Variants in UBE2E2 observed in about 807,000 individuals in gnomAD.
UBE2E2 encodes ubiquitin-conjugating enzyme E2 E2.
In UBE2E2, 6 loss-of-function variants were observed where a neutral mutation model predicts 24.7. That is an observed-to-expected ratio of 0.24 (90% CI 0.13 to 0.48). The LOEUF (loss-of-function observed/expected upper bound fraction) is 0.48. Ranked by LOEUF, UBE2E2 falls within the 20% of genes least tolerant of loss-of-function variation. The pLI is 0.99. For synonymous variants in UBE2E2, 104 were observed against 83.6 expected (o/e 1.24, Z -1.33); for missense variants, 169 against 245.0 (o/e 0.69, Z 2.07).
chr3:23,318,041 C>A (rs1238179980), intron 3 of UBE2E2, among the ~76,000 whole-genome samples: 1 of 151,970 alleles, frequency 6.6e-6, no homozygotes, highest in Non-Finnish European at 1.5e-5. Flanking sequence ...TCCCTCTTAT[C>A]TAGGTTTTAA....
Position 23,410,982 on chromosome 3 carries a change from T to G in UBE2E2, c.228-88626T>G, listed in dbSNP as rs534553325. Among the ~76,000 whole-genome samples, 12 of 152,116 alleles carry G rather than the reference T, an allele frequency of 7.9e-5. No individual in the cohort carries two copies. The East Asian group carries it at 2.3e-3, about 29-fold the overall frequency. On this transcript the variant is annotated intron_variant, in intron 3 of 5. Coordinates refer to ENST00000396703, the MANE Select transcript of UBE2E2 (RefSeq NM_152653.4). ...CATCCCCTCCTCTCCCTCCTCAAAC[T>G]AGGGTATAGTTTGTAAATTTTTTAA...
intron 3 of UBE2E2, among the ~76,000 whole-genome samples, chr3:23,390,438 C>A (rs1282961208): frequency 6.6e-6 from 1 of 152,180 alleles, no homozygotes. Context: ...CCTGCACCAT[C>A]CCCTTTCCAG....
intron 3 of UBE2E2, among the ~76,000 whole-genome samples, chr3:23,413,331 A>G (rs1250116304): frequency 6.6e-6 from 1 of 152,188 alleles, no homozygotes; most frequent in African/African-American, 2.4e-5. Flanking sequence ...TTTCTGCAGC[A>G]GTAGAGCTAA....
At chr3:23,318,671 A>G (rs1443074436) in intron 3 of UBE2E2, among the ~76,000 whole-genome samples, 1 of 152,166 alleles carries the variant, frequency 6.6e-6, no homozygotes, top group East Asian at 1.9e-4. Context: ...ATCTGGTGAG[A>G]CTTTTACTTA....
chr3:23,418,676 T>A (rs1697713447), intron 3 of UBE2E2, among the ~76,000 whole-genome samples: 1 of 152,194 alleles, frequency 6.6e-6, no homozygotes, highest in Admixed American at 6.5e-5. Context: ...CCATCAATAA[T>A]AGACTATTTT....
chr3:23,421,953 G>T (rs768439509), intron 3 of UBE2E2, among the ~76,000 whole-genome samples: 1 of 152,222 alleles, frequency 6.6e-6, no homozygotes, highest in Non-Finnish European at 1.5e-5. Flanking sequence ...GTTATTGAAT[G>T]AGGGAAATGT....
At chr3:23,307,452 A>G (rs1361102719) in intron 3 of UBE2E2, among the ~76,000 whole-genome samples, 1 of 152,084 alleles carries the variant, frequency 6.6e-6, no homozygotes, top group Non-Finnish European at 1.5e-5. Flanking sequence ...TACCTCCATA[A>G]TGATGTATTT....
intron 3 of UBE2E2, among the ~76,000 whole-genome samples, chr3:23,472,786 A>AG (rs1257719238): frequency 6.6e-6 from 1 of 151,684 alleles, no homozygotes; most frequent in Non-Finnish European, 1.5e-5. Flanking sequence ...CTGGGACCAC[A>AG]GGCGCACATG....
intron 3 of UBE2E2, among the ~76,000 whole-genome samples, chr3:23,390,898 T>TA (rs772942047): frequency 3.3e-5 from 5 of 152,248 alleles, no homozygotes; most frequent in Non-Finnish European, 5.9e-5. Context: ...TGCTTACCTA[T>TA]ATGTAGACCA....
intron 3 of UBE2E2, among the ~76,000 whole-genome samples, chr3:23,310,706 A>G (rs997254714): frequency 6.6e-6 from 1 of 152,146 alleles, no homozygotes; most frequent in African/African-American, 2.4e-5. Context: ...CAATATAACA[A>G]GGCACCCCTG....
chr3:23,458,419 T>TGGTGGTGGTGGTGGG (rs1698729613), intron 3 of UBE2E2, among the ~76,000 whole-genome samples: 1 of 149,096 alleles, frequency 6.7e-6, no homozygotes, highest in African/African-American at 2.5e-5. Flanking sequence ...GTGGTGGTGG[T>TGGTGGTGGTGGTGGG]GGTGGTGGTT....
At chr3:23,417,957 T>G (rs958103436) in intron 3 of UBE2E2, among the ~76,000 whole-genome samples, 3 of 152,074 alleles carry the variant, frequency 2.0e-5, no homozygotes, top group Non-Finnish European at 4.4e-5. Flanking sequence ...GTGCTGGCAG[T>G]GAGAATTTCA....
At chr3:23,343,439 C>CA (rs1695458653) in intron 3 of UBE2E2, among the ~76,000 whole-genome samples, 1 of 151,676 alleles carries the variant, frequency 6.6e-6, no homozygotes. Context: ...AGCTGGGTGT[C>CA]GTGGCACTCA....
chr3:23,502,146 C>G (rs1699736581), intron 4 of UBE2E2, among the ~76,000 whole-genome samples: 1 of 151,864 alleles, frequency 6.6e-6, no homozygotes, highest in Non-Finnish European at 1.5e-5. Context: ...TCCATGCCTT[C>G]CTAGTGTCCT....
intron 3 of UBE2E2, among the ~76,000 whole-genome samples, chr3:23,318,661 A>C (rs752535526): frequency 2.6e-4 from 39 of 152,182 alleles, no homozygotes; most frequent in Non-Finnish European, 5.0e-4. Context: ...AAAACATCAG[A>C]TCTGGTGAGA....
chr3:23,374,694 C>G (rs1005361310), intron 3 of UBE2E2, among the ~76,000 whole-genome samples: 1 of 152,210 alleles, frequency 6.6e-6, no homozygotes, highest in Non-Finnish European at 1.5e-5. Flanking sequence ...GCTAACTACA[C>G]CACAGTATAC....
chr3:23,355,018 G>A (rs1315059046), intron 3 of UBE2E2, among the ~76,000 whole-genome samples: 1 of 151,770 alleles, frequency 6.6e-6, no homozygotes, highest in East Asian at 1.9e-4. Context: ...AGAAAATGTG[G>A]CACATATACA....
At position 23,280,014 on chromosome 3, in the gene UBE2E2, C is replaced by G. The variant is rs1014207784; in HGVS notation, c.227+62702C>G. 6.6e-6 allele frequency among the ~76,000 whole-genome samples: 1 copy of G among 152,196 alleles called. No individual in the cohort carries two copies. Among genetic ancestry groups the G allele is most frequent in the African/African-American group, 2.4e-5 (1 of 41,460 alleles). ...ATGCTTAAGATCAATTAATAGTAGACATTGTCTCTCATTCACCTATTAGGC... is the reference window on the plus strand; with the variant it reads ...ATGCTTAAGATCAATTAATAGTAGAGATTGTCTCTCATTCACCTATTAGGC... On this transcript the variant is annotated intron_variant, in intron 3 of 5. Coordinates refer to ENST00000396703, the MANE Select transcript of UBE2E2 (RefSeq NM_152653.4). The surrounding 1 kb of genome is among the most constrained non-coding windows in gnomAD (Gnocchi z 4.3).
chr3:23,379,291 T>C (rs1216369151), intron 3 of UBE2E2, among the ~76,000 whole-genome samples: 1 of 151,636 alleles, frequency 6.6e-6, no homozygotes, highest in Non-Finnish European at 1.5e-5. Context: ...ATGTGCACAT[T>C]GTGCAGGTTA....
Sources: gnomAD v4.1 joint callset for allele counts (sites outside exome capture counted in the v4.1 genomes callset) on GRCh38, gnomAD v4.1.1 for gene constraint, Gnocchi (gnomAD v3.1) non-coding constraint, MANE v1.5 for transcripts, NCBI Gene and HGNC (gene_info 2026-07-23, HGNC 2026-07-21) for gene names.